Variants in TAB3 observed in about 807,000 individuals in gnomAD.
TAB3 encodes the protein TGF-beta activated kinase 1 (MAP3K7) binding protein 3.
A neutral mutation model predicts 48.1 loss-of-function variants in TAB3; 18 were observed. That is an observed-to-expected ratio of 0.37 (90% CI 0.26 to 0.55). The LOEUF is 0.55. TAB3 is among the 20% of genes least tolerant of loss of function. The pLI, the probability that TAB3 is intolerant of heterozygous loss-of-function variation, is 0.78. For synonymous variants in TAB3, 185 were observed against 190.2 expected (o/e 0.97, Z 0.22); for missense variants, 414 against 549.8 (o/e 0.75, Z 2.47).
chrX:30,841,526 A>T lies in TAB3; in HGVS notation c.1888+1440T>A, dbSNP rs746202022. On this transcript the variant is annotated intron_variant, in intron 9 of 10. Coordinates refer to ENST00000288422, the MANE Select transcript of TAB3 (RefSeq NM_152787.5). ...AGATACTATGTTGCAACTTATAAATAAAAAAAAAAACACTCTGTAATGAGC... is the reference window on the plus strand; with the variant it reads ...AGATACTATGTTGCAACTTATAAATTAAAAAAAAAACACTCTGTAATGAGC... 7.9e-4 allele frequency among the ~76,000 whole-genome samples: 53 copies of T among 66,945 alleles called. No individual in the cohort carries two copies. The East Asian group carries it at 0.013, about 17-fold the overall frequency. 58.1% of individuals were successfully genotyped at this position (66,945 alleles called of 115,157 possible).
At chrX:30,880,103 C>A (rs1939957365) in intron 1 of TAB3, among the ~76,000 whole-genome samples, 1 of 111,407 alleles carries the variant, frequency 9.0e-6, no homozygotes, top group African/African-American at 3.3e-5. Context: ...TCAATTCTTC[C>A]CAAATTGCTC....
chrX:30,853,059 A>G, intron 6 of TAB3, 121 bp from the exon 7 acceptor site: 1 of 701,803 alleles, frequency 1.4e-6, no homozygotes, highest in East Asian at 3.5e-5. Context: ...ATTTACTCTC[A>G]TGTCTTTCTA....
intron 10 of TAB3, among the ~76,000 whole-genome samples, chrX:30,832,452 G>A (rs1938055715): frequency 9.0e-6 from 1 of 111,710 alleles, no homozygotes; most frequent in African/African-American, 3.3e-5. Flanking sequence ...AATTCACCCT[G>A]GAATCTGGGG....
At chrX:30,852,206 A>G (rs1204812581) in intron 7 of TAB3, among the ~76,000 whole-genome samples, 1 of 112,058 alleles carries the variant, frequency 8.9e-6, no homozygotes, top group East Asian at 2.8e-4. Context: ...TGTTAAAACT[A>G]TATTATCTGA....
In TAB3 at chrX:30,831,538, T is replaced by C. The variant is rs200396766; in HGVS notation, c.2028A>G (p.Gln676=). ...RTGSTQSPRT[Q]PRDEDYEGAP... is the part of the protein sequence containing the mutation. ...CCCCTTCGTAGTCTTCATCTCGAGG[T>C]TGTGTCCGAGGACTTTGTGTGGAGC... is the stretch of plus-strand genomic sequence containing the variant. Residue 676 remains glutamine, a synonymous_variant, in exon 11 of 11, where the codon CAA becomes CAG. Transcript: ENST00000288422. 1.7e-5 allele frequency: 21 copies of C among 1,209,199 alleles called. No homozygotes were observed. The Admixed American group carries it at 3.7e-4, about 21-fold the overall frequency.
chrX:30,832,271 TCC>T lies in TAB3; in HGVS notation c.1991-698_1991-697del, dbSNP rs762611231. Among the ~76,000 whole-genome samples, 38 of 112,226 alleles carry T rather than the reference TCC, an allele frequency of 3.4e-4. No homozygotes were observed. In the South Asian group the frequency reaches 0.013, roughly 40 times the overall value. On this transcript the variant is annotated intron_variant, in intron 10 of 10. Transcript: ENST00000288422. ...CCCATACCTGGCAACCTTATGTTGG[TCC>T]CCAGGATTTGAAAAAGATATCCAAA...
At position 30,843,028 on chromosome X, in the gene TAB3, A is replaced by G. The variant is rs1324726454; in HGVS notation, c.1826T>C (p.Met609Thr). The G allele has an allele frequency of 2.6e-6, 3 of 1,172,991 alleles. No homozygotes were observed. The part of the protein sequence containing the change: ...QSRGNFDPKA[M>T]NNFYDNIEPG... ...TTCTATGTTGTCATAAAAATTATTCATGGCTTTTGGATCAAAGTTTCCTAT... is the reference window on the plus strand; with the variant it reads ...TTCTATGTTGTCATAAAAATTATTCGTGGCTTTTGGATCAAAGTTTCCTAT... Residue 609 changes from methionine (M) to threonine (T), a missense_variant, in exon 9 of 11, where the codon ATG becomes ACG. Transcript: ENST00000288422.
At position 30,854,308 on chromosome X, in the gene TAB3, T is replaced by C. The variant is rs777129694; in HGVS notation, c.1357A>G (p.Thr453Ala). Reference sequence around the variant, plus strand: ...CGGCCTACGGTAATTTTAAAAACTGTAGTTGGGTTTGGTATCACTCGAGGA... The same window carrying C: ...CGGCCTACGGTAATTTTAAAAACTGCAGTTGGGTTTGGTATCACTCGAGGA... ...PSPRVIPNPT[T>A]VFKITVGRAT... The change falls in exon 6 of 11, where the codon ACA becomes GCA. Residue 453 changes from threonine (T) to alanine (A), a missense_variant. Physicochemically the swap from Thr to Ala is moderately conservative, Grantham distance 58. Coordinates refer to ENST00000288422, the MANE Select transcript of TAB3 (RefSeq NM_152787.5). 4 of 1,211,381 alleles carry C rather than the reference T, an allele frequency of 3.3e-6. No individual in the cohort carries two copies. The highest frequency in any genetic ancestry group is 3.4e-6 in the Non-Finnish European group (3 of 895,401).
chrX:30,881,133 A>G (rs1051527912), intron 1 of TAB3, among the ~76,000 whole-genome samples: 4 of 111,601 alleles, frequency 3.6e-5, no homozygotes, highest in Admixed American at 1.9e-4. Flanking sequence ...AGTCAGAGAC[A>G]AAAGAGTCCA....
At chrX:30,877,042 T>A (rs1227769885) in intron 1 of TAB3, among the ~76,000 whole-genome samples, 1 of 111,738 alleles carries the variant, frequency 8.9e-6, no homozygotes. Flanking sequence ...ACAATCTCAA[T>A]GAATTCCTAC....
intron 1 of TAB3, among the ~76,000 whole-genome samples, chrX:30,880,003 G>A (rs1213442526): frequency 9.0e-6 from 1 of 111,686 alleles, no homozygotes; most frequent in Non-Finnish European, 1.9e-5. Context: ...CAATCTTCCG[G>A]AGAAAATCAC....
chrX:30,861,588 AT>A (rs1297248429), intron 4 of TAB3, among the ~76,000 whole-genome samples: 1 of 111,984 alleles, frequency 8.9e-6, no homozygotes, highest in Non-Finnish European at 1.9e-5. Flanking sequence ...CTTAGTGTTA[AT>A]TTAACTTTTT....
Position 30,846,610 on chromosome X carries a change from C to A in TAB3, c.1745G>T (p.Arg582Ile). The A allele has an allele frequency of 8.3e-7, 1 of 1,201,035 alleles. No homozygotes were observed. Among genetic ancestry groups the A allele is most frequent in the Middle Eastern group, 2.3e-4 (1 of 4,310 alleles). The change falls in exon 8 of 11, where the codon AGA becomes ATA. Residue 582 changes from arginine (R) to isoleucine (I), a missense_variant. By Grantham distance (97) the Arg-to-Ile change is moderately conservative. Transcript: ENST00000288422. ...EEMTRLRSMN[R>I]QLQINVDCTL... is the part of the protein sequence containing the mutation. ...ACAGTCAACATTTATCTGGAGTTGT[C>A]TGTTCATGCTTCTCAATCTTGTCAT... is the stretch of plus-strand genomic sequence containing the variant.
At chrX:30,888,119 C>T (rs1324901047) in intron 1 of TAB3, among the ~76,000 whole-genome samples, 1 of 112,689 alleles carries the variant, frequency 8.9e-6, no homozygotes, top group Non-Finnish European at 1.9e-5. Flanking sequence ...TTGTATACTA[C>T]TGCAAATCAT....
intron 10 of TAB3, among the ~76,000 whole-genome samples, chrX:30,832,374 A>C (rs751061920): frequency 9.0e-6 from 1 of 111,662 alleles, no homozygotes; most frequent in Non-Finnish European, 1.9e-5. Flanking sequence ...GTTAACCTGT[A>C]ATTTCTGTCT....
chrX:30,844,143 T>G (rs1938549599), intron 8 of TAB3: 2 of 110,939 alleles, frequency 1.8e-5, no homozygotes, highest in Admixed American at 9.7e-5. Flanking sequence ...AAAGTTTAGA[T>G]TGGAAACTCA....
intron 5 of TAB3, among the ~76,000 whole-genome samples, chrX:30,858,326 C>G (rs1260111272): frequency 9.0e-6 from 1 of 111,595 alleles, no homozygotes; most frequent in African/African-American, 3.3e-5. Flanking sequence ...TGGTTTCACT[C>G]CGGTGGGAAG....
chrX:30,842,698 C>T (rs932575751), intron 9 of TAB3, among the ~76,000 whole-genome samples: 1 of 110,365 alleles, frequency 9.1e-6, no homozygotes, highest in African/African-American at 3.3e-5. Context: ...GTGTGCCTAC[C>T]ATGCCACACA....
At chrX:30,835,768 C>G (rs1002271282) in intron 9 of TAB3, 1 of 112,539 alleles carries the variant, frequency 8.9e-6, no homozygotes, top group Non-Finnish European at 1.9e-5. Flanking sequence ...TTCTCTGTCT[C>G]TTTCTCTCTC....
Sources: allele counts gnomAD v4.1 joint callset (sites outside exome capture counted in the v4.1 genomes callset), GRCh38; gene constraint gnomAD v4.1.1; transcripts MANE v1.5; gene names NCBI Gene and HGNC (gene_info 2026-07-23, HGNC 2026-07-21).